The following CA14 variants were observed in gnomAD, a reference collection of about 807,000 sequenced individuals.
CA14 encodes carbonic anhydrase 14, also known as CA-XIV.
In CA14, 44 loss-of-function variants were observed where a neutral mutation model predicts 48.8. The ratio of observed to expected loss-of-function variants is 0.90; its 90% CI spans 0.71 to 1.16. CA14 has a LOEUF of 1.16. Among genes scored for constraint, CA14 ranks in the 50% most tolerant of loss-of-function variants. The probability of loss-of-function intolerance (pLI) is 0.00; values close to 1 mark genes in which losing one functional copy is unlikely to be tolerated. For missense variants in CA14, 386 were observed against 401.0 expected (o/e 0.96, Z 0.32); for synonymous variants, 154 against 155.0 (o/e 0.99, Z 0.05).
In CA14 at chr1:150,263,203, A is replaced by C. The variant is rs1452575242; in HGVS notation, c.720+4A>C. On this transcript the variant is annotated splice_donor_region_variant and intron_variant, in intron 7 of 10. Transcript: ENST00000369111. ...GTCCCAGATTTCAATGGAACAGGTA[A>C]GTGGTGGAGAAACGAGGTGAGGTGA... is the stretch of plus-strand genomic sequence containing the variant. 6.2e-7 allele frequency: 1 copy of C among 1,614,088 alleles called. No individual in the cohort carries two copies. The highest frequency in any genetic ancestry group is 8.5e-7 in the Non-Finnish European group (1 of 1,179,996).
chr1:150,263,616 A>G, intron 8 of CA14, 43 bp from the exon 9 acceptor site: 1 of 1,613,050 alleles, frequency 6.2e-7, no homozygotes, highest in Non-Finnish European at 8.5e-7. Flanking sequence ...CCCAGCTGGG[A>G]TGGGGATCTG....
Position 150,258,046 on chromosome 1 carries a change from CA to C in CA14, c.-82del. ...TCGCTCGCTCTCTCTCTCTCTCTCT[CA>C]CTCCTCCCTCCCTCTCTCTCTGCCT... On this transcript the variant is annotated 5_prime_UTR_variant, in exon 1 of 11. Coordinates refer to ENST00000369111, the MANE Select transcript of CA14 (RefSeq NM_012113.3). 1 of 1,015,250 alleles carries C rather than the reference CA, an allele frequency of 9.8e-7. No individual in the cohort carries two copies. The highest frequency in any genetic ancestry group is 1.5e-6 in the Non-Finnish European group (1 of 689,276). The allele number at this position is 1,015,250 out of a possible 1,614,324, so 62.9% of individuals were successfully genotyped here. A position where few individuals can be genotyped will look rare whatever the true frequency, so the allele number is the denominator to read the frequency against.
chr1:150,258,950 A>C (rs1385227182), intron 1 of CA14, among the ~76,000 whole-genome samples: 6 of 151,998 alleles, frequency 3.9e-5, no homozygotes, highest in Admixed American at 3.9e-4. Flanking sequence ...AAATGCAGAG[A>C]GGATGGGGGC....
intron 7 of CA14, 39 bp downstream of exon 7, chr1:150,263,238 G>C: frequency 1.2e-6 from 2 of 1,613,732 alleles, no homozygotes; most frequent in Non-Finnish European, 1.7e-6. Flanking sequence ...AGACACAGTT[G>C]TAACTTCAGA....
At position 150,262,814 on chromosome 1, in the gene CA14, C is replaced by T; in HGVS notation, c.506C>T (p.Thr169Ile). Residue 169 changes from threonine (T) to isoleucine (I), a missense_variant, in exon 6 of 11, where the codon ACT (threonine) becomes ATT (isoleucine). Transcript: ENST00000369111. ...VLGILIEVGE[T>I]KNIAYEHILS... ...TTCCTTCTCTTCCAGGTGGGTGAGACTAAGAATATAGCTTATGAACACATT... is the reference window on the plus strand; with the variant it reads ...TTCCTTCTCTTCCAGGTGGGTGAGATTAAGAATATAGCTTATGAACACATT... 1 of 1,611,990 alleles carries T rather than the reference C, an allele frequency of 6.2e-7. No individual in the cohort carries two copies.
chr1:150,262,396 G>C, intron 4 of CA14, 96 bp downstream of exon 4: 1 of 1,512,610 alleles, frequency 6.6e-7, no homozygotes, highest in Admixed American at 1.8e-5. Context: ...ATGCTGGGGG[G>C]ATAAGGCCAA....
rs782434684 is a variant in CA14 at position 150,261,855 on chromosome 1, C to T, written c.256+217C>T. ...AGGAAAGCAGCATTTTCCTAACCTA[C>T]GAATTCTCAAAAACCTTTGTCCATG... On this transcript the variant is annotated intron_variant, in intron 3 of 10. Transcript: ENST00000369111. Among the ~76,000 whole-genome samples the T allele has an allele frequency of 1.1e-4, 17 of 152,280 alleles. 1 individual carries two copies. The highest frequency in any genetic ancestry group is 3.6e-4 in the African/African-American group (15 of 41,556).
intron 2 of CA14, chr1:150,261,059 C>T (rs782496886): frequency 4.0e-5 from 7 of 176,668 alleles, no homozygotes; most frequent in Non-Finnish European, 8.4e-5. Flanking sequence ...TGTGCCTGGC[C>T]TATCTAGGAT....
rs781966502 is a variant in CA14, at chr1:150,261,605, G to A, written c.223G>A (p.Glu75Lys). The A allele has an allele frequency of 2.5e-5, 41 of 1,614,080 alleles. No homozygotes were observed. In the East Asian group the frequency reaches 4.7e-4, roughly 18 times the overall value. The stretch of plus-strand genomic sequence containing the variant: ...CCACGGATATGACCAGCCTGGCACC[G>A]AGCCTTTGGACCTGCACAACAATGG... ...QPHGYDQPGT[E>K]PLDLHNNGHT... Residue 75 changes from glutamate to lysine, a missense_variant, in exon 3 of 11, where the codon GAG becomes AAG. Transcript: ENST00000369111.
Position 150,264,648 on chromosome 1 carries a change from A to G in CA14, c.1003A>G (p.Thr335Ala). The part of the protein sequence containing the change: ...SVVFTSAQAT[T>A]EA ...GGTCTTCACCTCAGCACAAGCCACG[A>G]CTGAGGCATAAATTCCTTCTCAGAT... The change falls in exon 11 of 11, where the codon ACT becomes GCT. Residue 335 changes from threonine (T) to alanine (A), a missense_variant. Transcript: ENST00000369111. The G allele has an allele frequency of 6.2e-7, 1 of 1,612,832 alleles. No homozygotes were observed. The highest frequency in any genetic ancestry group is 8.5e-7 in the Non-Finnish European group (1 of 1,179,328).
chr1:150,261,943 T>C (rs1412873199), intron 3 of CA14, among the ~76,000 whole-genome samples: 1 of 152,190 alleles, frequency 6.6e-6, no homozygotes, highest in Non-Finnish European at 1.5e-5. Context: ...GAAATGTTTA[T>C]AACCAAGCTC....
chr1:150,263,746 A>G, intron 9 of CA14, 48 bp from the exon 10 acceptor site: 1 of 1,612,160 alleles, frequency 6.2e-7, no homozygotes, highest in African/African-American at 1.3e-5. Flanking sequence ...AAAGGCTCAA[A>G]ATCTATGTTA....
intron 2 of CA14, chr1:150,261,077 T>A: frequency 5.3e-6 from 1 of 189,094 alleles, no homozygotes; most frequent in Non-Finnish European, 1.1e-5. Context: ...GATCATTTTA[T>A]TTCTCCCATT....
In CA14 at chr1:150,263,044, C is replaced by G. The variant is rs1572070366; in HGVS notation, c.565C>G (p.Gln189Glu). The G allele has an allele frequency of 6.2e-7, 1 of 1,614,020 alleles. No individual in the cohort carries two copies. Residue 189 changes from glutamine (Q) to glutamate (E), a missense_variant and splice_region_variant, in exon 7 of 11, where the codon CAG becomes GAG. Coordinates refer to ENST00000369111, the MANE Select transcript of CA14 (RefSeq NM_012113.3). ...GAGTCCCAGTCTGTTCTCCCCAGAT[C>G]AGAAGACCTCAGTGCCTCCCTTCAA... Reference protein sequence around the residue: ...SHLHEVRHKDQKTSVPPFNLR... With the variant: ...SHLHEVRHKDEKTSVPPFNLR...
Position 150,262,193 on chromosome 1 carries a change from G to T in CA14, c.292G>T (p.Gly98Ter). 7 of 1,614,130 alleles carry T rather than the reference G, an allele frequency of 4.3e-6. No individual in the cohort carries two copies. The highest frequency in any genetic ancestry group is 5.9e-6 in the Non-Finnish European group (7 of 1,179,996). The change falls in exon 4 of 11, where the codon GGA becomes TGA. Residue 98 changes from glycine (G) to a stop codon, truncating the protein, a stop_gained. Coordinates refer to ENST00000369111, the MANE Select transcript of CA14 (RefSeq NM_012113.3). LOFTEE classifies it high-confidence loss of function. Reference protein sequence around the residue: ...LSLPSTLYLGGLPRKYVAAQL... With the variant: ...LSLPSTLYLG Reference sequence around the variant, plus strand: ...TCTGCCCTCTACCCTGTATCTGGGTGGACTTCCCCGAAAATATGTAGCTGC... The same window carrying T: ...TCTGCCCTCTACCCTGTATCTGGGTTGACTTCCCCGAAAATATGTAGCTGC...
chr1:150,260,311 T>C, intron 2 of CA14, 140 bp downstream of exon 2: 1 of 803,626 alleles, frequency 1.2e-6, no homozygotes, highest in Non-Finnish European at 2.2e-6. Flanking sequence ...CCTCCTGCCT[T>C]GAGTTTCACA....
At chr1:150,263,607 CCAGCTGGGAT>C in intron 8 of CA14, 42 bp from the exon 9 acceptor site, 5 of 1,612,728 alleles carry the variant, frequency 3.1e-6, no homozygotes, top group Non-Finnish European at 3.4e-6. Flanking sequence ...AGTGCTGCTC[CCAGCTGGGAT>C]GGGGATCTGA....
chr1:150,261,748 T>C, intron 3 of CA14, 110 bp downstream of exon 3: 1 of 955,432 alleles, frequency 1.0e-6, no homozygotes, highest in Non-Finnish European at 1.5e-6. Context: ...ATGCGTAAGA[T>C]GTGCCGCCCT....
intron 3 of CA14, 74 bp from the exon 4 acceptor site, chr1:150,262,084 G>C: frequency 6.3e-7 from 1 of 1,582,108 alleles, no homozygotes. Context: ...AGTCTCCCAA[G>C]AAGTGGTGGC....
Sources: allele counts gnomAD v4.1 joint callset (sites outside exome capture counted in the v4.1 genomes callset), GRCh38; gene constraint gnomAD v4.1.1; transcripts MANE v1.5; gene names NCBI Gene and HGNC (gene_info 2026-07-23, HGNC 2026-07-21).